NEK3: variants seen among roughly 807,000 people sequenced by gnomAD.
The protein encoded by NEK3 is serine/threonine-protein kinase Nek3.
A neutral mutation model predicts 66.0 loss-of-function variants in NEK3; 54 were observed. That is an observed-to-expected ratio of 0.82 (90% CI 0.66 to 1.03). The LOEUF (loss-of-function observed/expected upper bound fraction) is 1.03, where lower values mean the gene tolerates loss of function less well. NEK3 is among the 50% of genes least tolerant of loss of function. The probability of loss-of-function intolerance (pLI) is 0.00; values close to 1 mark genes in which losing one functional copy is unlikely to be tolerated. For synonymous variants in NEK3, 200 were observed against 206.2 expected (o/e 0.97, Z 0.26); for missense variants, 593 against 603.0 (o/e 0.98, Z 0.17).
chr13:52,142,000 T>C (rs1489683616), intron 10 of NEK3, among the ~76,000 whole-genome samples: 2 of 151,864 alleles, frequency 1.3e-5, no homozygotes, highest in East Asian at 1.9e-4. Flanking sequence ...GGCATGAGAA[T>C]TGCTTGAACC....
Position 52,133,703 on chromosome 13 carries a change from T to C in NEK3, c.1422A>G (p.Leu474=), listed in dbSNP as rs763148224. 4 of 1,555,460 alleles carry C rather than the reference T, an allele frequency of 2.6e-6. No individual in the cohort carries two copies. The highest frequency in any genetic ancestry group is 1.4e-5 in the African/African-American group (1 of 73,396). ...ILDPERLEPG[L]DEEDTDFEEE... ...TCACAACGTACGTGTCCTCCTCATCTAGCCCAGGCTCAAGTCGCTCTGGAT... is the reference window on the plus strand; with the variant it reads ...TCACAACGTACGTGTCCTCCTCATCCAGCCCAGGCTCAAGTCGCTCTGGAT... The change falls in exon 15 of 16, where the codon CTA becomes CTG. Residue 474 remains leucine (L), a synonymous_variant. Transcript: ENST00000610828.
At chr13:52,150,061 A>G (rs1956329971) in intron 7 of NEK3, among the ~76,000 whole-genome samples, 1 of 152,180 alleles carries the variant, frequency 6.6e-6, no homozygotes, top group South Asian at 2.1e-4. Context: ...TTGTCCCAAT[A>G]AGTCCCTGTA....
intron 10 of NEK3, among the ~76,000 whole-genome samples, chr13:52,142,161 C>T (rs555760291): frequency 1.3e-5 from 2 of 152,124 alleles, no homozygotes; most frequent in East Asian, 3.9e-4. Context: ...TTTTTTGTCT[C>T]TTTTTTTCTT....
Position 52,135,812 on chromosome 13 carries a change from T to A in NEK3, c.1226A>T (p.Lys409Ile), listed in dbSNP as rs376677096. The A allele has an allele frequency of 8.4e-5, 136 of 1,613,748 alleles. 1 individual carries two copies. The South Asian group carries it at 1.3e-3, about 15-fold the overall frequency. Reference protein sequence around the residue: ...SKNTTRKQWLKETPDTLLNIL... With the variant: ...SKNTTRKQWLIETPDTLLNIL... ...GTTCAACAAAGTGTCAGGGGTCTCTTTGAGCCACTGCTTACGAGTAGTATT... is the reference window on the plus strand; with the variant it reads ...GTTCAACAAAGTGTCAGGGGTCTCTATGAGCCACTGCTTACGAGTAGTATT... Residue 409 changes from lysine to isoleucine, a missense_variant, in exon 14 of 16, where the codon AAA becomes ATA. Lys to Ile is a moderately radical substitution (Grantham distance 102, BLOSUM62 -3). Transcript: ENST00000610828.
chr13:52,140,137 C>A (rs542806215), intron 11 of NEK3, among the ~76,000 whole-genome samples: 1 of 146,140 alleles, frequency 6.8e-6, no homozygotes, highest in African/African-American at 2.5e-5. Context: ...ATCACTTGAG[C>A]CCAGGTGTTC....
Position 52,133,714 on chromosome 13 carries a change from C to G in NEK3, c.1411G>C (p.Glu471Gln). The change falls in exon 15 of 16, where the codon GAG becomes CAG. Residue 471 changes from glutamate to glutamine, a missense_variant. Glu to Gln is a conservative substitution (Grantham distance 29, BLOSUM62 2). Transcript: ENST00000610828. ...DSVILDPERL[E>Q]PGLDEEDTDF... ...GTGTCCTCCTCATCTAGCCCAGGCT[C>G]AAGTCGCTCTGGATCCAAAATGACA... is the stretch of plus-strand genomic sequence containing the variant. 1 of 1,558,942 alleles carries G rather than the reference C, an allele frequency of 6.4e-7. No individual in the cohort carries two copies. Among genetic ancestry groups the G allele is most frequent in the Non-Finnish European group, 8.7e-7 (1 of 1,150,332 alleles).
At chr13:52,139,330 T>C (rs775292755) in intron 11 of NEK3, among the ~76,000 whole-genome samples, 3 of 152,228 alleles carry the variant, frequency 2.0e-5, no homozygotes, top group Non-Finnish European at 2.9e-5. Context: ...TCCACTTACA[T>C]GAAATACTTA....
intron 12 of NEK3, among the ~76,000 whole-genome samples, 189 bp from the exon 13 acceptor site, chr13:52,136,448 ATT>A (rs1292655791): frequency 4.6e-5 from 7 of 152,144 alleles, no homozygotes; most frequent in Admixed American, 2.0e-4. Context: ...AAAATGAAAA[ATT>A]AAAACGAACC....
At chr13:52,156,353 C>A (rs906146304) in intron 1 of NEK3, 105 bp from the exon 2 acceptor site, 13 of 559,042 alleles carry the variant, frequency 2.3e-5, no homozygotes, top group Non-Finnish European at 4.2e-5. Flanking sequence ...GCAAATTATT[C>A]CTTTTGAAGA....
At chr13:52,151,264 A>G in intron 6 of NEK3, 32 bp from the exon 7 acceptor site, 1 of 1,597,004 alleles carries the variant, frequency 6.3e-7, no homozygotes, top group Non-Finnish European at 8.5e-7. Flanking sequence ...GAATGATTAC[A>G]GAACATTCCT....
rs1157845017 is a variant in NEK3 at position 52,144,841 on chromosome 13, G to A, written c.654C>T (p.Cys218=). Residue 218 remains cysteine (C), a synonymous_variant, in exon 9 of 16, where the codon TGC becomes TGT. Transcript: ENST00000610828. ...KNLILKVCQG[C]ISPLPSHYSY... Reference sequence around the variant, plus strand: ...AGTAATGAGACGGCAGTGGACTGATGCACCCTTGACATACTTTGAGGATAA... The same window carrying A: ...AGTAATGAGACGGCAGTGGACTGATACACCCTTGACATACTTTGAGGATAA... 3 of 1,612,532 alleles carry A rather than the reference G, an allele frequency of 1.9e-6. No homozygotes were observed. In the Admixed American group the frequency reaches 5.0e-5, roughly 27 times the overall value.
chr13:52,138,072 G>C (rs1233868515), intron 11 of NEK3, among the ~76,000 whole-genome samples: 1 of 152,132 alleles, frequency 6.6e-6, no homozygotes, highest in East Asian at 1.9e-4. Context: ...CCAGGCTGGA[G>C]TGCAGAGGTG....
Position 52,154,159 on chromosome 13 carries a change from T to G in NEK3, c.132A>C (p.Thr44=), listed in dbSNP as rs555461768. ...EIRLPKSFSN[T]QNSRKEAVLL... is the part of the protein sequence containing the mutation. Reference sequence around the variant, plus strand: ...GAACAGCCTCCTTCCTAGAATTCTGTGTATTAGAGAAAGACTAGAAAAACA... The same window carrying G: ...GAACAGCCTCCTTCCTAGAATTCTGGGTATTAGAGAAAGACTAGAAAAACA... The change falls in exon 3 of 16, where the codon ACA becomes ACC. Residue 44 remains threonine, a synonymous_variant. Coordinates refer to ENST00000610828, the MANE Select transcript of NEK3 (RefSeq NM_002498.3). 1 of 1,603,656 alleles carries G rather than the reference T, an allele frequency of 6.2e-7. No individual in the cohort carries two copies. Among genetic ancestry groups the G allele is most frequent in the East Asian group, 2.2e-5 (1 of 44,694 alleles).
chr13:52,142,149 AT>A (rs971469120), intron 10 of NEK3, among the ~76,000 whole-genome samples: 26 of 152,032 alleles, frequency 1.7e-4, no homozygotes, highest in Non-Finnish European at 3.1e-4. Flanking sequence ...CTACCTTGAA[AT>A]TTTTTTGTCT....
In NEK3 at chr13:52,153,876, A is replaced by G. The variant is rs773299409; in HGVS notation, c.309+19T>C. On this transcript the variant is annotated intron_variant, in intron 4 of 15. Coordinates refer to ENST00000610828, the MANE Select transcript of NEK3 (RefSeq NM_002498.3). ...TGGCTTCTAAACCTTGAGAGAAACT[A>G]TGTAAGTCAATCTCTTACCATGTCT... 6.5e-7 allele frequency: 1 copy of G among 1,533,496 alleles called. No homozygotes were observed. The highest frequency in any genetic ancestry group is 2.3e-5 in the East Asian group (1 of 44,376). The allele number at this position is 1,533,496 out of a possible 1,614,324, so 95.0% of individuals were successfully genotyped here. A position where few individuals can be genotyped will look rare whatever the true frequency, so the allele number is the denominator to read the frequency against.
chr13:52,153,437 T>G (rs967907933), intron 4 of NEK3, among the ~76,000 whole-genome samples: 2 of 152,128 alleles, frequency 1.3e-5, no homozygotes, highest in Admixed American at 1.3e-4. Flanking sequence ...AATTTTCCAC[T>G]AAAAAGGCAG....
At chr13:52,145,701 C>T (rs180929255) in intron 8 of NEK3, among the ~76,000 whole-genome samples, 22 of 152,190 alleles carry the variant, frequency 1.4e-4, no homozygotes, top group Non-Finnish European at 2.4e-4. Flanking sequence ...TGAGTAACAC[C>T]GTGGGATATA....
intron 11 of NEK3, among the ~76,000 whole-genome samples, chr13:52,138,558 A>G (rs1956223387): frequency 6.6e-6 from 1 of 152,234 alleles, no homozygotes; most frequent in Non-Finnish European, 1.5e-5. Context: ...GTTCATTCAA[A>G]AAATTTAAAA....
chr13:52,144,677 AAC>A lies in NEK3; in HGVS notation c.804+12_804+13del. On this transcript the variant is annotated intron_variant, in intron 9 of 15. Transcript: ENST00000610828. ...CTTGAAAACTGTTCACAACCAATCC[AAC>A]ACAGATCATACCTCGGGGGGTAAGC... is the stretch of plus-strand genomic sequence containing the variant. 1 of 1,612,044 alleles carries A rather than the reference AAC, an allele frequency of 6.2e-7. No homozygotes were observed. The highest frequency in any genetic ancestry group is 1.7e-5 in the Admixed American group (1 of 59,994).
Sources: gnomAD v4.1 joint callset for allele counts (sites outside exome capture counted in the v4.1 genomes callset) on GRCh38, gnomAD v4.1.1 for gene constraint, MANE v1.5 for transcripts, NCBI Gene and HGNC (gene_info 2026-07-23, HGNC 2026-07-21) for gene names.